GPRIN3: variants seen among roughly 807,000 people sequenced by gnomAD.
The protein encoded by GPRIN3 is G protein-regulated inducer of neurite outgrowth 3.
GPRIN3 carries 12 observed loss-of-function variants against 13.7 expected under a neutral mutation model. That is an observed-to-expected ratio of 0.87 (90% CI 0.56 to 1.42). The LOEUF (loss-of-function observed/expected upper bound fraction) is 1.42, where lower values mean the gene tolerates loss of function less well. Among genes scored for constraint, GPRIN3 ranks in the 40% most tolerant of loss-of-function variants. The pLI is 0.00. For missense variants in GPRIN3, 1,009 were observed against 958.7 expected, an observed-to-expected ratio of 1.05 and a Z score of -0.69; for synonymous variants, 377 against 372.7, an observed-to-expected ratio of 1.01 and a Z score of -0.13.
chr4:89,280,459 A>G (rs1427583005), intron 1 of GPRIN3, among the ~76,000 whole-genome samples: 1 of 152,192 alleles, frequency 6.6e-6, no homozygotes. Flanking sequence ...CTTAAGCTTC[A>G]TGTCTCTTGT....
At chr4:89,299,094 T>C (rs189962686) in intron 1 of GPRIN3, among the ~76,000 whole-genome samples, 63 of 152,316 alleles carry the variant, frequency 4.1e-4, no homozygotes, top group African/African-American at 1.5e-3. Context: ...AAAATAACTT[T>C]ATCTCTAAAG....
rs1437878261 is a variant in GPRIN3 at position 89,237,597 on chromosome 4, C to T, written c.*10183G>A. ...CCGGCAAGTAGGCCCTCACCAGACA[C>T]CAAATTGGCCTTGATTTTGGGGTTC... On this transcript the variant is annotated 3_prime_UTR_variant, in exon 2 of 2. Coordinates refer to ENST00000609438, the MANE Select transcript of GPRIN3 (RefSeq NM_198281.3). The T allele has an allele frequency of 1.3e-5, 2 of 152,128 alleles. No individual in the cohort carries two copies. The highest frequency in any genetic ancestry group is 1.3e-4 in the Admixed American group (2 of 15,272). 9.4% of individuals were successfully genotyped at this position (152,128 alleles called of 1,614,324 possible).
Position 89,242,837 on chromosome 4 carries a change from G to C in GPRIN3, c.*4943C>G. The C allele has an allele frequency of 6.6e-6, 1 of 151,918 alleles. No homozygotes were observed. The highest frequency in any genetic ancestry group is 1.9e-4 in the East Asian group (1 of 5,188). 9.4% of individuals were successfully genotyped at this position (151,918 alleles called of 1,614,324 possible). A position where few individuals can be genotyped will look rare whatever the true frequency, so the allele number is the denominator to read the frequency against. On this transcript the variant is annotated 3_prime_UTR_variant, in exon 2 of 2. Transcript: ENST00000609438. ...AAATAACATCTTGTTGCACCATTCT[G>C]GCCACCACAAGTCATTTCACCAAGG...
chr4:89,267,452 G>A (rs1369072671), intron 1 of GPRIN3, among the ~76,000 whole-genome samples: 1 of 152,038 alleles, frequency 6.6e-6, no homozygotes. Context: ...GACCTGCCTC[G>A]GTGAGGTACC....
At position 89,297,084 on chromosome 4, in the gene GPRIN3, C is replaced by T. The variant is rs1724758153; in HGVS notation, c.-124+10531G>A. Among the ~76,000 whole-genome samples, 3 of 152,280 alleles carry T rather than the reference C, an allele frequency of 2.0e-5. No homozygotes were observed. The South Asian group carries it at 6.2e-4, about 32-fold the overall frequency. The stretch of plus-strand genomic sequence containing the variant: ...ATTGAACAACTGAATTCACACAGCT[C>T]CATTACCATCTGTGGGACTTTGGGC... On this transcript the variant is annotated intron_variant, in intron 1 of 1. Coordinates refer to ENST00000609438, the MANE Select transcript of GPRIN3 (RefSeq NM_198281.3).
chr4:89,248,949 T>C lies in GPRIN3; in HGVS notation c.1162A>G (p.Ile388Val). ...GCCTGAATGTGCACCTGTGGCATGA[T>C]GCCAGGGCACTGGCTGGACTCCTGG... is the stretch of plus-strand genomic sequence containing the variant. The part of the protein sequence containing the change: ...APQESSQCPG[I>V]MPQVHIQAAA... The change falls in exon 2 of 2, where the codon ATC (isoleucine) becomes GTC (valine). Residue 388 changes from isoleucine to valine, a missense_variant. Coordinates refer to ENST00000609438, the MANE Select transcript of GPRIN3 (RefSeq NM_198281.3). 6.2e-7 allele frequency: 1 copy of C among 1,614,186 alleles called. No individual in the cohort carries two copies.
intron 1 of GPRIN3, among the ~76,000 whole-genome samples, chr4:89,297,183 C>G (rs1724761990): frequency 6.6e-6 from 1 of 152,188 alleles, no homozygotes; most frequent in South Asian, 2.1e-4. Context: ...GTACAAACCT[C>G]AGAGATTTCT....
chr4:89,266,115 A>G (rs1307926720), intron 1 of GPRIN3, among the ~76,000 whole-genome samples: 1 of 152,230 alleles, frequency 6.6e-6, no homozygotes, highest in Non-Finnish European at 1.5e-5. Flanking sequence ...CTGATTAAGA[A>G]CATCACAAAT....
chr4:89,243,936 A>T lies in GPRIN3; in HGVS notation c.*3844T>A, dbSNP rs1723017073. 6.6e-6 allele frequency: 1 copy of T among 152,258 alleles called. No homozygotes were observed. Among genetic ancestry groups the T allele is most frequent in the African/African-American group, 2.4e-5 (1 of 41,474 alleles). 9.4% of individuals were successfully genotyped at this position (152,258 alleles called of 1,614,324 possible). On this transcript the variant is annotated 3_prime_UTR_variant, in exon 2 of 2. Coordinates refer to ENST00000609438, the MANE Select transcript of GPRIN3 (RefSeq NM_198281.3). ...GCACAATATGTAGGAGGAAGAGAAG[A>T]CACACATTTCACACATTTTGGCAGC...
At chr4:89,282,110 T>C (rs1286619783) in intron 1 of GPRIN3, among the ~76,000 whole-genome samples, 1 of 152,180 alleles carries the variant, frequency 6.6e-6, no homozygotes, top group East Asian at 1.9e-4. Flanking sequence ...TAAAGAAATG[T>C]GATTTTTATT....
intron 1 of GPRIN3, among the ~76,000 whole-genome samples, chr4:89,265,781 GT>G (rs1462957445): frequency 1.6e-4 from 25 of 151,778 alleles, no homozygotes; most frequent in African/African-American, 6.0e-4. Context: ...TCCTTTTTAT[GT>G]TGGCATAGGC....
At chr4:89,278,078 C>A (rs1248784618) in intron 1 of GPRIN3, among the ~76,000 whole-genome samples, 2 of 152,076 alleles carry the variant, frequency 1.3e-5, no homozygotes, top group Non-Finnish European at 2.9e-5. Flanking sequence ...CAGTGTCAGA[C>A]AGAAGTTGGC....
chr4:89,276,495 C>T (rs1724097671), intron 1 of GPRIN3, among the ~76,000 whole-genome samples: 1 of 152,176 alleles, frequency 6.6e-6, no homozygotes, highest in Non-Finnish European at 1.5e-5. Flanking sequence ...GAAAAAGACA[C>T]CATCAGCAAT....
In GPRIN3 at chr4:89,248,241, G is replaced by A; in HGVS notation, c.1870C>T (p.Pro624Ser). 6.2e-7 allele frequency: 1 copy of A among 1,614,188 alleles called. No individual in the cohort carries two copies. Among genetic ancestry groups the A allele is most frequent in the Non-Finnish European group, 8.5e-7 (1 of 1,180,026 alleles). The change falls in exon 2 of 2, where the codon CCA becomes TCA. Residue 624 changes from proline to serine, a missense_variant. Transcript: ENST00000609438. ...GGGCTGGCTTTGACGGAGCGAGATG[G>A]GGTCTTCTTGCCAGAACCTGGGCTG... ...DSSPGSGKKT[P>S]SRSVKASPRR...
rs751826569 is a variant in GPRIN3, at chr4:89,248,182, C to T, written c.1929G>A (p.Lys643=). ...CTGCTGTCACATTTAACTTTTGCTC[C>T]TTGAGGAACTCGCTGACGCGGCTGG... is the stretch of plus-strand genomic sequence containing the variant. ...RRPSRVSEFL[K]EQKLNVTAAA... The change falls in exon 2 of 2, where the codon AAG becomes AAA. Residue 643 remains lysine (K), a synonymous_variant. Coordinates refer to ENST00000609438, the MANE Select transcript of GPRIN3 (RefSeq NM_198281.3). The T allele has an allele frequency of 1.2e-6, 2 of 1,614,158 alleles. No homozygotes were observed. Among genetic ancestry groups the T allele is most frequent in the Admixed American group, 1.7e-5 (1 of 60,024 alleles).
chr4:89,295,651 T>TA (rs1458346664), intron 1 of GPRIN3, among the ~76,000 whole-genome samples: 3 of 151,286 alleles, frequency 2.0e-5, no homozygotes, highest in South Asian at 4.2e-4. Flanking sequence ...AAGCAAGATT[T>TA]AAAAAAAAAC....
At chr4:89,278,050 A>T (rs750020860) in intron 1 of GPRIN3, among the ~76,000 whole-genome samples, 3 of 152,152 alleles carry the variant, frequency 2.0e-5, no homozygotes, top group Non-Finnish European at 4.4e-5. Context: ...TTGCTGTGTA[A>T]CAGACTACCC....
In GPRIN3 at chr4:89,270,598, TATAA is replaced by T. The variant is rs1303467241; in HGVS notation, c.-123-20369_-123-20366del. Among the ~76,000 whole-genome samples the T allele has an allele frequency of 5.7e-3, 729 of 127,654 alleles. 4 individuals carry two copies. Among genetic ancestry groups the T allele is most frequent in the African/African-American group, 0.019 (563 of 29,602 alleles). 83.7% of individuals were successfully genotyped at this position (127,654 alleles called of 152,430 possible). On this transcript the variant is annotated intron_variant, in intron 1 of 1. Coordinates refer to ENST00000609438, the MANE Select transcript of GPRIN3 (RefSeq NM_198281.3). The stretch of plus-strand genomic sequence containing the variant: ...ATATATATATATATATATATATATA[TATAA>T]AATATAGATATATATGCAGCCTCAA...
At position 89,249,049 on chromosome 4, in the gene GPRIN3, T is replaced by C. The variant is rs1413213454; in HGVS notation, c.1062A>G (p.Glu354=). ...LKESRAPEHF[E]QEQLRVICHS... The stretch of plus-strand genomic sequence containing the variant: ...GGCAAATGACACGCAGCTGCTCTTG[T>C]TCAAAATGCTCAGGAGCACGGCTTT... The change falls in exon 2 of 2, where the codon GAA becomes GAG. Residue 354 remains glutamate, a synonymous_variant. Coordinates refer to ENST00000609438, the MANE Select transcript of GPRIN3 (RefSeq NM_198281.3). The C allele has an allele frequency of 5.0e-6, 8 of 1,614,168 alleles. No individual in the cohort carries two copies. In the South Asian group the frequency reaches 8.8e-5, roughly 18 times the overall value.
Sources: gnomAD v4.1 joint callset for allele counts (sites outside exome capture counted in the v4.1 genomes callset) on GRCh38, gnomAD v4.1.1 for gene constraint, MANE v1.5 for transcripts, NCBI Gene and HGNC (gene_info 2026-07-23, HGNC 2026-07-21) for gene names.